ADAMTSL1: variants seen among roughly 807,000 people sequenced by gnomAD.
ADAMTSL1 encodes ADAMTS like 1.
Under a neutral mutation model 201.8 loss-of-function variants are expected in ADAMTSL1, and 126 were observed. The ratio of observed to expected loss-of-function variants is 0.62; its 90% CI spans 0.54 to 0.72. The LOEUF is 0.72. ADAMTSL1 is among the 30% of genes least tolerant of loss of function. The probability of loss-of-function intolerance (pLI) is 0.00; values close to 1 mark genes in which losing one functional copy is unlikely to be tolerated. For missense variants in ADAMTSL1, 2,679 were observed against 2,277.8 expected (o/e 1.18, Z -3.59); for synonymous variants, 1,121 against 903.4 (o/e 1.24, Z -4.32).
chr9:18,288,006 G>C (rs1370357234), intron 2 of ADAMTSL1, among the ~76,000 whole-genome samples: 53 of 152,090 alleles, frequency 3.5e-4, no homozygotes, highest in Admixed American at 3.5e-3. Context: ...TTCTGCTTTG[G>C]ATCATACCTA....
intron 21 of ADAMTSL1, among the ~76,000 whole-genome samples, chr9:18,820,628 A>ATG (rs1563829128): frequency 1.3e-5 from 2 of 152,030 alleles, no homozygotes; most frequent in African/African-American, 2.4e-5. Flanking sequence ...TACCTAGACC[A>ATG]ACTCACATGT....
intron 1 of ADAMTSL1, among the ~76,000 whole-genome samples, chr9:18,100,681 G>A (rs1047668162): frequency 1.3e-5 from 2 of 151,628 alleles, no homozygotes; most frequent in Admixed American, 6.6e-5. Context: ...TTTCTTTTCA[G>A]TGTGGATCCC....
chr9:18,192,006 G>T (rs1048912471), intron 2 of ADAMTSL1, among the ~76,000 whole-genome samples: 5 of 152,216 alleles, frequency 3.3e-5, no homozygotes, highest in East Asian at 1.9e-4. Context: ...AATACACTGG[G>T]TATGATCGTT....
intron 2 of ADAMTSL1, among the ~76,000 whole-genome samples, chr9:18,172,837 G>T (rs1563784117): frequency 6.6e-6 from 1 of 151,982 alleles, no homozygotes; most frequent in Non-Finnish European, 1.5e-5. Flanking sequence ...TCAGGGGGAA[G>T]GGATACCATT....
intron 19 of ADAMTSL1, among the ~76,000 whole-genome samples, chr9:18,785,586 C>G (rs562303335): frequency 6.6e-6 from 1 of 152,288 alleles, no homozygotes; most frequent in Non-Finnish European, 1.5e-5. Flanking sequence ...TGAAGCTAAA[C>G]TGTTCCTCGC....
chr9:17,935,925 G>T (rs1826989165), intron 1 of ADAMTSL1, among the ~76,000 whole-genome samples: 1 of 152,058 alleles, frequency 6.6e-6, no homozygotes, highest in African/African-American at 2.4e-5. Context: ...TCTTCCACAT[G>T]GCTTATAAGG....
At chr9:18,762,927 A>C (rs1006868174) in intron 16 of ADAMTSL1, among the ~76,000 whole-genome samples, 3 of 152,180 alleles carry the variant, frequency 2.0e-5, no homozygotes, top group African/African-American at 7.2e-5. Context: ...TTGCTTCCAG[A>C]TCTTAGCTAT....
chr9:18,031,188 C>T lies in ADAMTSL1; in HGVS notation c.87+124266C>T, dbSNP rs371978999. On this transcript the variant is annotated intron_variant, in intron 1 of 29. Coordinates refer to the ADAMTSL1 transcript ENST00000680146. ...CATTTGAATCTGGCTAGGGAATTACCGCAATCCTTTAGAGGTGAAAAAACA... is the reference window on the plus strand; with the variant it reads ...CATTTGAATCTGGCTAGGGAATTACTGCAATCCTTTAGAGGTGAAAAAACA... Among the ~76,000 whole-genome samples, 9 of 152,210 alleles carry T rather than the reference C, an allele frequency of 5.9e-5. No homozygotes were observed. The East Asian group carries it at 1.2e-3, about 20-fold the overall frequency.
chr9:18,146,176 G>A (rs1826630461), intron 1 of ADAMTSL1, among the ~76,000 whole-genome samples: 1 of 152,082 alleles, frequency 6.6e-6, no homozygotes, highest in South Asian at 2.1e-4. Context: ...CAGTTTCTTA[G>A]AAAGCTCAAA....
intron 2 of ADAMTSL1, among the ~76,000 whole-genome samples, chr9:18,214,439 A>T (rs1829992651): frequency 6.6e-6 from 1 of 152,224 alleles, no homozygotes; most frequent in Non-Finnish European, 1.5e-5. Flanking sequence ...GAATCTGTCT[A>T]AATATGGAAC....
Position 18,336,056 on chromosome 9 carries a change from T to G in ADAMTSL1, c.208-168773T>G, listed in dbSNP as rs138879469. 1.1e-3 allele frequency among the ~76,000 whole-genome samples: 164 copies of G among 152,258 alleles called. 1 individual carries two copies. The highest frequency in any genetic ancestry group is 3.7e-3 in the African/African-American group (155 of 41,582). On this transcript the variant is annotated intron_variant, in intron 2 of 29. Coordinates refer to the ADAMTSL1 transcript ENST00000680146. ...GAAGATGAGTAAACAAGTTCAGGTT[T>G]TATTTCATTGCACATAGCATAAACT...
chr9:18,273,533 T>C (rs1034459444), intron 2 of ADAMTSL1, among the ~76,000 whole-genome samples: 2 of 152,256 alleles, frequency 1.3e-5, no homozygotes, highest in African/African-American at 4.8e-5. Flanking sequence ...CAGGCATTTC[T>C]AGTAATTTTG....
chr9:18,472,689 T>C (rs1011760479), upstream of ADAMTSL1, among the ~76,000 whole-genome samples: 2 of 152,220 alleles, frequency 1.3e-5, no homozygotes, highest in African/African-American at 2.4e-5. Context: ...AGGTTTTCCA[T>C]ATTCGTGTGT....
intron 3 of ADAMTSL1, among the ~76,000 whole-genome samples, chr9:18,536,395 G>A (rs1043317285): frequency 8.0e-5 from 12 of 149,976 alleles, no homozygotes; most frequent in Non-Finnish European, 1.3e-4. Flanking sequence ...TGGGGAGTTC[G>A]TATTCCCCAG....
Position 18,718,495 on chromosome 9 carries a change from T to C in ADAMTSL1, c.1877-3041T>C. On this transcript the variant is annotated intron_variant, in intron 14 of 28. Coordinates refer to ENST00000380548, the MANE Select transcript of ADAMTSL1 (RefSeq NM_001040272.6). ...TCAAAGCAGACTTTCCAACGCCTCC[T>C]GGGCCAAGAATGACTAGCTTATACT... 3 of 566,358 alleles carry C rather than the reference T, an allele frequency of 5.3e-6. No homozygotes were observed. In the Admixed American group the frequency reaches 5.7e-5, roughly 11 times the overall value. The allele number at this position is 566,358 out of a possible 1,614,324, so 35.1% of individuals were successfully genotyped here.
At chr9:18,129,257 C>T (rs1021997288) in intron 1 of ADAMTSL1, among the ~76,000 whole-genome samples, 8 of 152,184 alleles carry the variant, frequency 5.3e-5, no homozygotes, top group Admixed American at 5.2e-4. Flanking sequence ...TGCTAATATG[C>T]TTCCTGGGAG....
chr9:18,359,261 G>T (rs1451598931), intron 2 of ADAMTSL1, among the ~76,000 whole-genome samples: 1 of 152,048 alleles, frequency 6.6e-6, no homozygotes, highest in African/African-American at 2.4e-5. Context: ...GGGCCCTTTT[G>T]GATCCCTTCA....
At chr9:17,997,929 T>A (rs1037075780) in intron 1 of ADAMTSL1, among the ~76,000 whole-genome samples, 1 of 152,072 alleles carries the variant, frequency 6.6e-6, no homozygotes, top group Non-Finnish European at 1.5e-5. Context: ...ATGATGATAG[T>A]TGCCCCTTAC....
Position 18,194,444 on chromosome 9 carries a change from A to G in ADAMTSL1, c.207+30463A>G, listed in dbSNP as rs1000376404. 5.3e-5 allele frequency among the ~76,000 whole-genome samples: 8 copies of G among 152,208 alleles called. No homozygotes were observed. In the Middle Eastern group the frequency reaches 0.01, roughly 194 times the overall value. On this transcript the variant is annotated intron_variant, in intron 2 of 29. Coordinates refer to the ADAMTSL1 transcript ENST00000680146. ...ACTGCTGTCTCTCTCTGACCCCTGT[A>G]TCTCATGGTCCCCTGCGCTGGTCCT...
Sources: gnomAD v4.1 joint callset for allele counts (sites outside exome capture counted in the v4.1 genomes callset) on GRCh38, gnomAD v4.1.1 for gene constraint, MANE v1.5 for transcripts, NCBI Gene and HGNC (gene_info 2026-07-23, HGNC 2026-07-21) for gene names.